PPP2R3B: variants seen among roughly 807,000 people sequenced by gnomAD.
The protein encoded by PPP2R3B is serine/threonine-protein phosphatase 2A regulatory subunit B'' subunit beta.
PPP2R3B carries 68 observed loss-of-function variants against 72.9 expected under a neutral mutation model. That is an observed-to-expected ratio of 0.93 (90% confidence interval 0.77 to 1.14). The LOEUF is 1.14. PPP2R3B is among the 50% of genes most tolerant of loss of function. The pLI, the probability that PPP2R3B is intolerant of heterozygous loss-of-function variation, is 0.00. For missense variants in PPP2R3B, 1,018 were observed against 842.0 expected, an observed-to-expected ratio of 1.21 and a Z score of -2.59; for synonymous variants, 466 against 375.8, an observed-to-expected ratio of 1.24 and a Z score of -2.78.
chrX:338,974 TG>T (rs2070975816), intron 10 of PPP2R3B, 78 bp from the exon 11 acceptor site: 3 of 1,177,410 alleles, frequency 2.5e-6, no homozygotes, highest in Non-Finnish European at 3.8e-6. Flanking sequence ...GCGCGCGTCC[TG>T]TCACACGTGC....
chrX:352,026 CT>C, intron 2 of PPP2R3B, among the ~76,000 whole-genome samples: 1 of 152,290 alleles, frequency 6.6e-6, no homozygotes. Context: ...GGGATGAGAA[CT>C]GAGCGGGAGA....
chrX:334,818 A>C (rs773562783), intron 12 of PPP2R3B: 1 of 352,042 alleles, frequency 2.8e-6, no homozygotes, highest in South Asian at 8.9e-5. Flanking sequence ...AGCGAGCTGC[A>C]CGGGACCTGT....
intron 12 of PPP2R3B, chrX:338,380 G>A: frequency 1.6e-6 from 1 of 609,066 alleles, no homozygotes; most frequent in East Asian, 2.8e-5. Context: ...CCCCACGCGG[G>A]GAATGACGGG....
At chrX:377,549 A>G (rs1409479655) in intron 1 of PPP2R3B, among the ~76,000 whole-genome samples, 1 of 86,790 alleles carries the variant, frequency 1.2e-5, no homozygotes, top group Non-Finnish European at 2.3e-5. Flanking sequence ...CGGGCCGTCC[A>G]CACCCAGTGG....
At position 354,059 on chromosome X, in the gene PPP2R3B, C is replaced by A. The variant is rs908089504; in HGVS notation, c.511-6366G>T. Among the ~76,000 whole-genome samples, 11 of 136,952 alleles carry A rather than the reference C, an allele frequency of 8.0e-5. 1 individual carries two copies. The highest frequency in any genetic ancestry group is 3.4e-4 in the African/African-American group (11 of 32,134). 89.8% of individuals were successfully genotyped at this position (136,952 alleles called of 152,430 possible). On this transcript the variant is annotated intron_variant, in intron 2 of 12. Coordinates refer to ENST00000390665, the MANE Select transcript of PPP2R3B (RefSeq NM_013239.5). ...AGGGACCAGGGGCTCACCCAAAGAC[C>A]GGGGCTCGCCCAAAGACCGGGGCTC... is the stretch of plus-strand genomic sequence containing the variant.
At position 361,725 on chromosome X, in the gene PPP2R3B, C is replaced by T. The variant is rs1291564395; in HGVS notation, c.325-135G>A. ...ATCCCAGCCGGGAGAGGACACACTG[C>T]AATCCCTGCGGGGGACCACACACGT... On this transcript the variant is annotated intron_variant, in intron 1 of 12. Transcript: ENST00000390665. 3.2e-5 allele frequency: 31 copies of T among 979,754 alleles called. 1 individual carries two copies. Among genetic ancestry groups the T allele is most frequent in the Non-Finnish European group, 4.1e-5 (27 of 651,692 alleles). The allele number at this position is 979,754 out of a possible 1,614,324, so 60.7% of individuals were successfully genotyped here.
rs1187969740 is a variant in PPP2R3B, at chrX:376,450, C to A, written c.324+9918G>T. 3.8e-4 allele frequency among the ~76,000 whole-genome samples: 58 copies of A among 151,994 alleles called. 5 individuals carry two copies. Among genetic ancestry groups the A allele is most frequent in the Middle Eastern group, 3.4e-3 (1 of 294 alleles). ...CTCGACAGAGCCCCCATGGGGCCATCCACTACCGTGTACAGGGACGGGCCG... is the reference window on the plus strand; with the variant it reads ...CTCGACAGAGCCCCCATGGGGCCATACACTACCGTGTACAGGGACGGGCCG... On this transcript the variant is annotated intron_variant, in intron 1 of 12. Coordinates refer to ENST00000390665, the MANE Select transcript of PPP2R3B (RefSeq NM_013239.5).
At chrX:354,529 C>G (rs973547542) in intron 2 of PPP2R3B, among the ~76,000 whole-genome samples, 2 of 152,238 alleles carry the variant, frequency 1.3e-5, no homozygotes, top group Non-Finnish European at 2.9e-5. Flanking sequence ...CCCGGACAAA[C>G]TTCAAGGCAC....
At chrX:375,008 C>G (rs1473412035) in intron 1 of PPP2R3B, among the ~76,000 whole-genome samples, 1 of 152,148 alleles carries the variant, frequency 6.6e-6, no homozygotes, top group African/African-American at 2.4e-5. Flanking sequence ...CTCAGACTGG[C>G]CTTTTCTTCT....
At chrX:351,921 T>G (rs1291667481) in intron 2 of PPP2R3B, among the ~76,000 whole-genome samples, 1 of 152,114 alleles carries the variant, frequency 6.6e-6, no homozygotes, top group African/African-American at 2.4e-5. Context: ...TCTGGAACCC[T>G]TGGCCGCAAG....
At chrX:386,081 CAAAATT>C (rs1232964904) in intron 1 of PPP2R3B, among the ~76,000 whole-genome samples, 2 of 152,050 alleles carry the variant, frequency 1.3e-5, no homozygotes, top group African/African-American at 4.8e-5. Flanking sequence ...AACTCTGTCT[CAAAATT>C]AAAACAAATT....
At chrX:351,450 A>C (rs1448544143) in intron 2 of PPP2R3B, among the ~76,000 whole-genome samples, 2 of 152,214 alleles carry the variant, frequency 1.3e-5, no homozygotes, top group African/African-American at 2.4e-5. Context: ...GGGATGGAGC[A>C]TCAGATCTAT....
At chrX:374,953 C>T (rs923548621) in intron 1 of PPP2R3B, among the ~76,000 whole-genome samples, 10 of 152,136 alleles carry the variant, frequency 6.6e-5, no homozygotes, top group Admixed American at 3.3e-4. Context: ...CATCGTTTTC[C>T]TTTTTCCGAG....
intron 2 of PPP2R3B, among the ~76,000 whole-genome samples, chrX:350,874 G>A (rs1036946619): frequency 1.9e-4 from 29 of 152,312 alleles, no homozygotes; most frequent in African/African-American, 5.3e-4. Context: ...GCCCGTGCCC[G>A]TGAGAGCCTG....
chrX:351,084 G>A (rs1195738712), intron 2 of PPP2R3B, among the ~76,000 whole-genome samples: 1 of 152,186 alleles, frequency 6.6e-6, no homozygotes, highest in Non-Finnish European at 1.5e-5. Flanking sequence ...GGGAAAGGAC[G>A]CGCTCCGGCT....
chrX:359,802 TAAC>T (rs1473321223), intron 2 of PPP2R3B: 1 of 504,146 alleles, frequency 2.0e-6, no homozygotes, highest in Non-Finnish European at 3.9e-6. Context: ...AAAGCTAAAA[TAAC>T]AATAAGAGGA....
At position 334,424 on chromosome X, in the gene PPP2R3B, C is replaced by T; in HGVS notation, c.1671G>A (p.Leu557=). The T allele has an allele frequency of 1.3e-6, 2 of 1,594,062 alleles. No individual in the cohort carries two copies. The highest frequency in any genetic ancestry group is 1.7e-6 in the Non-Finnish European group (2 of 1,175,634). The part of the protein sequence containing the change: ...QRPFFEAPSP[L]GAVDLYEYAC... The stretch of plus-strand genomic sequence containing the variant: ...CGTACTCGTACAGGTCCACGGCGCC[C>T]AGCGGTGAGGGCGCCTCGAAGAAGG... The change falls in exon 13 of 13, where the codon CTG becomes CTA. Residue 557 remains leucine (L), a synonymous_variant. Coordinates refer to ENST00000390665, the MANE Select transcript of PPP2R3B (RefSeq NM_013239.5).
chrX:374,596 G>A (rs1255330666), intron 1 of PPP2R3B, among the ~76,000 whole-genome samples: 1 of 152,182 alleles, frequency 6.6e-6, no homozygotes, highest in African/African-American at 2.4e-5. Context: ...CGATCCCACC[G>A]GGAAGGAGAC....
rs375441534 is a variant in PPP2R3B at position 334,643 on chromosome X, G to A, written c.1578-126C>T. 12 of 1,111,350 alleles carry A rather than the reference G, an allele frequency of 1.1e-5. No individual in the cohort carries two copies. The African/African-American group carries it at 1.5e-4, about 14-fold the overall frequency. The allele number at this position is 1,111,350 out of a possible 1,614,324, so 68.8% of individuals were successfully genotyped here. A position where few individuals can be genotyped will look rare whatever the true frequency, so the allele number is the denominator to read the frequency against. On this transcript the variant is annotated intron_variant, in intron 12 of 12. Coordinates refer to ENST00000390665, the MANE Select transcript of PPP2R3B (RefSeq NM_013239.5). ...AGACAGTCCCCTGAGCCGACCTTGA[G>A]CTCCAGCCGCTGAGCCAGCAACGCG...
Sources: allele counts gnomAD v4.1 joint callset (sites outside exome capture counted in the v4.1 genomes callset), GRCh38; gene constraint gnomAD v4.1.1; transcripts MANE v1.5; gene names NCBI Gene and HGNC (gene_info 2026-07-23, HGNC 2026-07-21).